The following EFNA5 variants were observed in gnomAD, a reference collection of about 807,000 sequenced individuals.
EFNA5 encodes ephrin A5, also known as ephrin-A5.
Under a neutral mutation model 22.9 loss-of-function variants are expected in EFNA5, and 5 were observed. That is an observed-to-expected ratio of 0.22 (90% CI 0.11 to 0.46). The LOEUF is 0.46. Among genes scored for constraint, EFNA5 ranks in the 20% least tolerant of loss-of-function variants. The pLI is 0.99. For synonymous variants in EFNA5, 113 were observed against 112.2 expected (o/e 1.01, Z -0.04); for missense variants, 237 against 293.3 (o/e 0.81, Z 1.40).
chr5:107,476,057 T>TATATATATATATATATATATATATATA, intron 1 of EFNA5, among the ~76,000 whole-genome samples: 9 of 100,414 alleles, frequency 9.0e-5, no homozygotes, highest in African/African-American at 3.0e-4. Flanking sequence ...TATATATATA[T>TATATATATATATATATATATATATATA]TTTTTTTTTT....
chr5:107,569,559 T>TTTTATATA (rs1313796140), intron 1 of EFNA5, among the ~76,000 whole-genome samples: 10 of 42,526 alleles, frequency 2.4e-4, no homozygotes, highest in Middle Eastern at 0.015. Context: ...ATATATATAT[T>TTTTATATA]TATATATATA....
intron 1 of EFNA5, among the ~76,000 whole-genome samples, chr5:107,479,039 A>G (rs1471794878): frequency 1.3e-5 from 2 of 152,248 alleles, no homozygotes; most frequent in African/African-American, 4.8e-5. Context: ...AGATTAAAAA[A>G]TAATCTGTAA....
At position 107,601,251 on chromosome 5, in the gene EFNA5, A is replaced by G. The variant is rs13356579; in HGVS notation, c.125+69238T>C. Reference sequence around the variant, plus strand: ...TCCACAATGTTTTGGCCGCATTGGCAAAGAACTCATGACGCAATCTTACCT... The same window carrying G: ...TCCACAATGTTTTGGCCGCATTGGCGAAGAACTCATGACGCAATCTTACCT... On this transcript the variant is annotated intron_variant, in intron 1 of 4. Transcript: ENST00000333274. 7.9e-3 allele frequency among the ~76,000 whole-genome samples: 1,201 copies of G among 152,348 alleles called. 23 individuals are homozygous for G. Among genetic ancestry groups the G allele is most frequent in the African/African-American group, 0.026 (1,088 of 41,576 alleles).
chr5:107,645,387 C>T (rs750048583), intron 1 of EFNA5, among the ~76,000 whole-genome samples: 5 of 152,132 alleles, frequency 3.3e-5, no homozygotes, highest in South Asian at 2.1e-4. Flanking sequence ...TTGTACTACC[C>T]TTCATAATTT....
chr5:107,617,235 C>CAGAGAGAGAGAGAG (rs1434593822), intron 1 of EFNA5, among the ~76,000 whole-genome samples: 22 of 148,538 alleles, frequency 1.5e-4, no homozygotes, highest in African/African-American at 5.3e-4. Flanking sequence ...CACACACACA[C>CAGAGAGAGAGAGAG]ACAGAGAGAG....
chr5:107,655,270 C>T (rs1440845284), intron 1 of EFNA5, among the ~76,000 whole-genome samples: 1 of 152,044 alleles, frequency 6.6e-6, no homozygotes, highest in Non-Finnish European at 1.5e-5. Context: ...TTGAAATAAA[C>T]TCATAGCAAG....
At chr5:107,621,556 G>A (rs1169394102) in intron 1 of EFNA5, among the ~76,000 whole-genome samples, 2 of 152,132 alleles carry the variant, frequency 1.3e-5, no homozygotes, top group African/African-American at 4.8e-5. Flanking sequence ...TGTAGAAAAC[G>A]CATTTTGAGA....
chr5:107,605,162 A>G (rs1749688119), intron 1 of EFNA5, among the ~76,000 whole-genome samples: 1 of 151,894 alleles, frequency 6.6e-6, no homozygotes, highest in East Asian at 1.9e-4. Flanking sequence ...TGGGGGGGGA[A>G]GCAGAGCTAA....
chr5:107,555,035 T>C (rs1274167086), intron 1 of EFNA5, among the ~76,000 whole-genome samples: 1 of 152,200 alleles, frequency 6.6e-6, no homozygotes, highest in African/African-American at 2.4e-5. Context: ...GCCTCAGCAA[T>C]TCTCGGTAAC....
intron 1 of EFNA5, among the ~76,000 whole-genome samples, chr5:107,659,589 A>G (rs901509897): frequency 2.6e-5 from 4 of 151,420 alleles, no homozygotes; most frequent in African/African-American, 9.7e-5. Flanking sequence ...AAGCCATCAA[A>G]AGAGAAAAAT....
chr5:107,589,500 G>A (rs1424341283), intron 1 of EFNA5, among the ~76,000 whole-genome samples: 2 of 152,058 alleles, frequency 1.3e-5, no homozygotes, highest in Non-Finnish European at 1.5e-5. Flanking sequence ...ACCAACAAAG[G>A]AGTAAGTTAC....
At chr5:107,646,333 C>G (rs1397847865) in intron 1 of EFNA5, among the ~76,000 whole-genome samples, 1 of 151,990 alleles carries the variant, frequency 6.6e-6, no homozygotes, top group Non-Finnish European at 1.5e-5. Flanking sequence ...GTGTACATGT[C>G]GTACATCTTA....
At chr5:107,397,671 A>G (rs1747965316) in intron 2 of EFNA5, among the ~76,000 whole-genome samples, 1 of 152,216 alleles carries the variant, frequency 6.6e-6, no homozygotes, top group African/African-American at 2.4e-5. Context: ...TGATATTACA[A>G]GTATCTAGAT....
At chr5:107,610,822 C>T (rs528764272) in intron 1 of EFNA5, among the ~76,000 whole-genome samples, 10 of 152,144 alleles carry the variant, frequency 6.6e-5, no homozygotes, top group South Asian at 6.2e-4. Context: ...CCTTCCATAG[C>T]GGCACGGAGG....
chr5:107,574,680 T>C (rs1358101565), intron 1 of EFNA5, among the ~76,000 whole-genome samples: 1 of 152,188 alleles, frequency 6.6e-6, no homozygotes, highest in East Asian at 1.9e-4. Flanking sequence ...TGAAGCTATA[T>C]GGAAGGGGGG....
chr5:107,391,088 G>C (rs1747783437), intron 2 of EFNA5, among the ~76,000 whole-genome samples: 1 of 152,220 alleles, frequency 6.6e-6, no homozygotes, highest in Non-Finnish European at 1.5e-5. Context: ...GAGCCCAGGA[G>C]GCAGAGGTTG....
chr5:107,626,767 CATTTAG>C (rs1554070093), intron 1 of EFNA5, among the ~76,000 whole-genome samples: 1 of 152,118 alleles, frequency 6.6e-6, no homozygotes, highest in Non-Finnish European at 1.5e-5. Flanking sequence ...ATTTTCAGTA[CATTTAG>C]ATTTAAGTTT....
intron 2 of EFNA5, among the ~76,000 whole-genome samples, chr5:107,390,781 C>T (rs1376106965): frequency 2.6e-5 from 4 of 152,110 alleles, no homozygotes; most frequent in South Asian, 4.2e-4. Flanking sequence ...AATGAATAGT[C>T]GATGTTGAAA....
At position 107,509,830 on chromosome 5, in the gene EFNA5, T is replaced by C. The variant is rs373298726; in HGVS notation, c.126-82321A>G. Among the ~76,000 whole-genome samples, 3 of 152,344 alleles carry C rather than the reference T, an allele frequency of 2.0e-5. No individual in the cohort carries two copies. In the South Asian group the frequency reaches 6.2e-4, roughly 32 times the overall value. Reference sequence around the variant, plus strand: ...AGCAGATGCTCAATAAATATCTGTGTATTGAATGGCACATAATGGACACTC... The same window carrying C: ...AGCAGATGCTCAATAAATATCTGTGCATTGAATGGCACATAATGGACACTC... On this transcript the variant is annotated intron_variant, in intron 1 of 4. Coordinates refer to ENST00000333274, the MANE Select transcript of EFNA5 (RefSeq NM_001962.3).
Sources: gnomAD v4.1 joint callset for allele counts (sites outside exome capture counted in the v4.1 genomes callset) on GRCh38, gnomAD v4.1.1 for gene constraint, MANE v1.5 for transcripts, NCBI Gene and HGNC (gene_info 2026-07-23, HGNC 2026-07-21) for gene names.